The following LIN54 variants were observed in gnomAD, a reference collection of about 807,000 sequenced individuals.
LIN54 encodes the protein protein lin-54 homolog.
In LIN54, 9 loss-of-function variants were observed where a neutral mutation model predicts 78.7. The ratio of observed to expected loss-of-function variants is 0.11; its 90% CI spans 0.07 to 0.20. LIN54 has a LOEUF of 0.20. Ranked by LOEUF, LIN54 falls within the 10% of genes least tolerant of loss-of-function variation. The pLI is 1.00. For synonymous variants in LIN54, 269 were observed against 318.4 expected (o/e 0.84, Z 1.65); for missense variants, 573 against 889.9 (o/e 0.64, Z 4.53).
intron 4 of LIN54, among the ~76,000 whole-genome samples, chr4:82,956,792 T>C (rs981378153): frequency 6.6e-6 from 1 of 151,992 alleles, no homozygotes; most frequent in Non-Finnish European, 1.5e-5. Context: ...TTCTTCTTTT[T>C]CTTAAAAAAA....
intron 4 of LIN54, among the ~76,000 whole-genome samples, chr4:82,957,456 C>T (rs1290477838): frequency 2.0e-5 from 3 of 152,154 alleles, no homozygotes; most frequent in African/African-American, 7.2e-5. Flanking sequence ...AAAATTAAGC[C>T]TAAATTTTCT....
chr4:82,927,957 T>C lies in LIN54; in HGVS notation c.*145A>G. 1.5e-6 allele frequency: 1 copy of C among 649,734 alleles called. No individual in the cohort carries two copies. Among genetic ancestry groups the C allele is most frequent in the Non-Finnish European group, 2.7e-6 (1 of 373,398 alleles). The allele number at this position is 649,734 out of a possible 1,614,324, so 40.2% of individuals were successfully genotyped here. Reference sequence around the variant, plus strand: ...ATGTACTAATTTCCTCATTTAAAATTTCTTCTCCTTCAGTATTATAATTTC... The same window carrying C: ...ATGTACTAATTTCCTCATTTAAAATCTCTTCTCCTTCAGTATTATAATTTC... On this transcript the variant is annotated 3_prime_UTR_variant, in exon 13 of 13. Transcript: ENST00000340417.
chr4:82,933,273 CTT>C (rs1722114839), intron 11 of LIN54, among the ~76,000 whole-genome samples: 2 of 149,390 alleles, frequency 1.3e-5, no homozygotes, highest in Admixed American at 6.7e-5. Flanking sequence ...TAAAAATTAT[CTT>C]TATATTTTAA....
chr4:82,943,962 G>A (rs1003271672), intron 5 of LIN54, among the ~76,000 whole-genome samples: 3 of 148,894 alleles, frequency 2.0e-5, no homozygotes, highest in South Asian at 2.1e-4. Flanking sequence ...TCTGCCTCCC[G>A]GGTTCAAGTG....
chr4:82,967,465 C>T (rs889586108), intron 4 of LIN54, among the ~76,000 whole-genome samples: 3 of 152,136 alleles, frequency 2.0e-5, no homozygotes, highest in African/African-American at 4.8e-5. Context: ...GTTAGGCAAG[C>T]TGCACTTTTA....
chr4:82,971,835 A>G (rs1725678341), intron 3 of LIN54, among the ~76,000 whole-genome samples: 1 of 152,230 alleles, frequency 6.6e-6, no homozygotes, highest in East Asian at 1.9e-4. Context: ...GCATCTAAGA[A>G]GTAGAGAAGA....
intron 1 of LIN54, among the ~76,000 whole-genome samples, chr4:82,990,785 G>A (rs916014386): frequency 3.9e-5 from 6 of 152,032 alleles, no homozygotes; most frequent in South Asian, 2.1e-4. Flanking sequence ...GCCCAGCCAG[G>A]GAACCCAAAT....
chr4:82,986,585 T>C (rs1727161130), intron 1 of LIN54, among the ~76,000 whole-genome samples: 1 of 150,734 alleles, frequency 6.6e-6, no homozygotes, highest in South Asian at 2.1e-4. Context: ...GCACCTATAG[T>C]CCCAGCTACT....
chr4:82,936,645 A>C lies in LIN54; in HGVS notation c.1605-264T>G, dbSNP rs1449127945. Among the ~76,000 whole-genome samples, 3 of 151,350 alleles carry C rather than the reference A, an allele frequency of 2.0e-5. No individual in the cohort carries two copies. In the East Asian group the frequency reaches 5.8e-4, roughly 29 times the overall value. ...ACAGCTGTCACACAAGAGCTGTCAC[A>C]CATATAAATTATATAAATTATATGT... is the stretch of plus-strand genomic sequence containing the variant. On this transcript the variant is annotated intron_variant, in intron 9 of 12. Transcript: ENST00000340417.
At chr4:82,974,271 G>A (rs944083962) in intron 3 of LIN54, among the ~76,000 whole-genome samples, 8 of 151,958 alleles carry the variant, frequency 5.3e-5, no homozygotes, top group African/African-American at 1.9e-4. Context: ...TGGGAAGGTG[G>A]GGACAGAGGA....
intron 12 of LIN54, among the ~76,000 whole-genome samples, chr4:82,929,929 C>T (rs144729982): frequency 0.012 from 1,827 of 152,266 alleles, 35 homozygotes; most frequent in African/African-American, 0.041. Context: ...ACGGAGTTTG[C>T]TCTTGTTGCC....
intron 5 of LIN54, among the ~76,000 whole-genome samples, chr4:82,941,674 AAG>A (rs1178711683): frequency 8.5e-5 from 13 of 152,316 alleles, no homozygotes; most frequent in Admixed American, 2.6e-4. Flanking sequence ...GGGAATAAAA[AAG>A]AGAGAGCAGA....
intron 4 of LIN54, among the ~76,000 whole-genome samples, chr4:82,958,083 CA>C (rs1724487219): frequency 6.6e-6 from 1 of 152,208 alleles, no homozygotes; most frequent in Admixed American, 6.5e-5. Context: ...AACGTAAGCA[CA>C]GGGCACACAG....
intron 4 of LIN54, among the ~76,000 whole-genome samples, chr4:82,968,418 A>T (rs1487834698): frequency 6.6e-6 from 1 of 152,110 alleles, no homozygotes; most frequent in African/African-American, 2.4e-5. Flanking sequence ...ATACCAGTCA[A>T]ATTAGTCCAT....
At position 82,978,989 on chromosome 4, in the gene LIN54, T is replaced by C; in HGVS notation, c.702A>G (p.Arg234=). ...TGATTACTGGACCAGAGGTTGGCGTTCGAGGCTTCTTAGCAATCTGAAACA... is the reference window on the plus strand; with the variant it reads ...TGATTACTGGACCAGAGGTTGGCGTCCGAGGCTTCTTAGCAATCTGAAACA... ...LKTVQIAKKP[R]TPTSGPVITK... The change falls in exon 3 of 13, where the codon CGA becomes CGG. Residue 234 remains arginine, a synonymous_variant. Coordinates refer to ENST00000340417, the MANE Select transcript of LIN54 (RefSeq NM_194282.4). 6.3e-7 allele frequency: 1 copy of C among 1,589,936 alleles called. No homozygotes were observed. The highest frequency in any genetic ancestry group is 8.6e-7 in the Non-Finnish European group (1 of 1,162,744).
chr4:83,003,258 G>A lies in LIN54; in HGVS notation c.-33+7226C>T, dbSNP rs999187290. On this transcript the variant is annotated intron_variant, in intron 1 of 12. Transcript: ENST00000340417. ...TTGAACTCCTGACCTCAATTGATCC[G>A]CCCAGCTCGGTCTCCCAAAGTGCTG... Among the ~76,000 whole-genome samples, 28 of 152,100 alleles carry A rather than the reference G, an allele frequency of 1.8e-4. 1 individual carries two copies. Among genetic ancestry groups the A allele is most frequent in the African/African-American group, 4.8e-4 (20 of 41,514 alleles).
chr4:82,954,685 T>C (rs1467956422), intron 4 of LIN54, among the ~76,000 whole-genome samples: 1 of 152,116 alleles, frequency 6.6e-6, no homozygotes, highest in African/African-American at 2.4e-5. Flanking sequence ...AATGACTAAT[T>C]AACAGGAGAA....
At chr4:82,940,231 C>A (rs890304092) in intron 5 of LIN54, among the ~76,000 whole-genome samples, 7 of 152,196 alleles carry the variant, frequency 4.6e-5, no homozygotes, top group Non-Finnish European at 8.8e-5. Flanking sequence ...GAAAATACTT[C>A]AATCTGTATT....
chr4:82,935,855 C>A, intron 11 of LIN54, 126 bp downstream of exon 11: 2 of 931,926 alleles, frequency 2.1e-6, no homozygotes, highest in Non-Finnish European at 3.4e-6. Context: ...AGGGCCTTTG[C>A]ACCAACTGTG....
Sources: allele counts gnomAD v4.1 joint callset (sites outside exome capture counted in the v4.1 genomes callset), GRCh38; gene constraint gnomAD v4.1.1; transcripts MANE v1.5; gene names NCBI Gene and HGNC (gene_info 2026-07-23, HGNC 2026-07-21).